Variants in AEBP2 observed in about 807,000 individuals in gnomAD.
The protein encoded by AEBP2 is AE binding protein 2, also known as zinc finger protein AEBP2.
A neutral mutation model predicts 50.8 loss-of-function variants in AEBP2; 10 were observed. That is an observed-to-expected ratio of 0.20 (90% CI 0.12 to 0.33). The LOEUF (loss-of-function observed/expected upper bound fraction) is 0.33, where lower values mean the gene tolerates loss of function less well. Ranked by LOEUF, AEBP2 falls within the 10% of genes least tolerant of loss-of-function variation. AEBP2 has a pLI of 1.00. For missense variants in AEBP2, 570 were observed against 688.0 expected (o/e 0.83, Z 1.92); for synonymous variants, 296 against 261.3 (o/e 1.13, Z -1.28).
chr12:19,458,047 T>C (rs374616468), intron 1 of AEBP2, among the ~76,000 whole-genome samples: 1 of 152,128 alleles, frequency 6.6e-6, no homozygotes, highest in Non-Finnish European at 1.5e-5. Flanking sequence ...TGTGAAAAAA[T>C]TTAACATATG....
At chr12:19,440,518 C>T (rs1947934861) in intron 1 of AEBP2, 148 bp downstream of exon 1, 1 of 1,387,942 alleles carries the variant, frequency 7.2e-7, no homozygotes, top group African/African-American at 1.5e-5. Context: ...AAATCTCTCG[C>T]CGTCGCCGCC....
intron 7 of AEBP2, among the ~76,000 whole-genome samples, chr12:19,515,078 T>G (rs1949299574): frequency 6.6e-6 from 1 of 152,238 alleles, no homozygotes; most frequent in Non-Finnish European, 1.5e-5. Context: ...TTTAACAAGG[T>G]AATTCTTTTT....
Position 19,449,866 on chromosome 12 carries a change from C to T in AEBP2, c.671+9496C>T, listed in dbSNP as rs149202500. ...CGCTAAAAATGATGAGCATTTACTA[C>T]GTGCAAGGCTCTAACTAGGTTTGGG... On this transcript the variant is annotated intron_variant, in intron 1 of 7. Coordinates refer to ENST00000266508, the MANE Select transcript of AEBP2 (RefSeq NM_153207.5). Among the ~76,000 whole-genome samples, 163 of 152,206 alleles carry T rather than the reference C, an allele frequency of 1.1e-3. 1 individual carries two copies. Among genetic ancestry groups the T allele is most frequent in the African/African-American group, 3.8e-3 (156 of 41,506 alleles).
rs559815793 is a variant in AEBP2 at position 19,439,864 on chromosome 12, G to C, written c.165G>C (p.Ala55=). 1.2e-4 allele frequency: 171 copies of C among 1,483,748 alleles called. No individual in the cohort carries two copies. The East Asian group carries it at 4.6e-3, about 40-fold the overall frequency. The allele number at this position is 1,483,748 out of a possible 1,614,324, so 91.9% of individuals were successfully genotyped here. ...AGGAGGCGGAGGCCGAGGCGGTGGC[G>C]GCGCTGCTGCTGAACGGCGGCAGCG... ...EEEEAEAEAV[A]ALLLNGGSGG... Residue 55 remains alanine, a synonymous_variant, in exon 1 of 8, where the codon GCG becomes GCC. Coordinates refer to ENST00000266508, the MANE Select transcript of AEBP2 (RefSeq NM_153207.5).
At chr12:19,443,498 C>T (rs1042174700) in intron 1 of AEBP2, among the ~76,000 whole-genome samples, 7 of 151,086 alleles carry the variant, frequency 4.6e-5, no homozygotes, top group African/African-American at 1.7e-4. Flanking sequence ...TCGGGTGGAT[C>T]ATTTGAGGTC....
intron 2 of AEBP2, among the ~76,000 whole-genome samples, chr12:19,469,776 A>G (rs547567484): frequency 3.3e-4 from 50 of 152,316 alleles, no homozygotes; most frequent in African/African-American, 1.2e-3. Context: ...TATGTCTGAT[A>G]CAACCTAATA....
chr12:19,428,893 C>T (rs996511344), intron 1 of AEBP2, among the ~76,000 whole-genome samples: 2 of 152,062 alleles, frequency 1.3e-5, no homozygotes, highest in African/African-American at 4.8e-5. Flanking sequence ...AATTCCAGCA[C>T]GTTGGGAGGC....
intron 3 of AEBP2, among the ~76,000 whole-genome samples, chr12:19,479,655 A>T (rs1948696701): frequency 7.9e-6 from 1 of 127,308 alleles, no homozygotes; most frequent in South Asian, 2.7e-4. Flanking sequence ...ATATATATTT[A>T]GGATTGTTAT....
Position 19,439,951 on chromosome 12 carries a change from G to A in AEBP2, c.252G>A (p.Glu84=), listed in dbSNP as rs1290186765. 3.3e-6 allele frequency: 5 copies of A among 1,518,078 alleles called. No individual in the cohort carries two copies. In the Admixed American group the frequency reaches 8.0e-5, roughly 24 times the overall value. 94.0% of individuals were successfully genotyped at this position (1,518,078 alleles called of 1,614,324 possible). A position where few individuals can be genotyped will look rare whatever the true frequency, so the allele number is the denominator to read the frequency against. ...GCGGCGAGGCAGAGACGATGTCGGA[G>A]CCGAGCCCCGAGAGCGCCAGCCAGG... ...VGGGEAETMS[E]PSPESASQAG... Residue 84 remains glutamate (E), a synonymous_variant, in exon 1 of 8, where the codon GAG becomes GAA. Transcript: ENST00000266508.
chr12:19,419,545 C>T (rs555509155), intron 1 of AEBP2, among the ~76,000 whole-genome samples: 448 of 151,272 alleles, frequency 3.0e-3, no homozygotes, highest in Non-Finnish European at 5.1e-3. Flanking sequence ...GCTGAGATCG[C>T]GCCACTGCAC....
chr12:19,434,497 C>T (rs919529732), upstream of AEBP2, among the ~76,000 whole-genome samples: 1 of 151,282 alleles, frequency 6.6e-6, no homozygotes, highest in African/African-American at 2.5e-5. Flanking sequence ...TTTATGCAGA[C>T]ATAAAACTGC....
At chr12:19,459,348 T>C (rs1010442120) in intron 1 of AEBP2, among the ~76,000 whole-genome samples, 11 of 151,946 alleles carry the variant, frequency 7.2e-5, no homozygotes, top group Admixed American at 2.0e-4. Context: ...TCTCCTGCCT[T>C]AGCCTCCTGA....
chr12:19,503,030 T>C (rs1949106005), intron 5 of AEBP2, among the ~76,000 whole-genome samples: 1 of 152,194 alleles, frequency 6.6e-6, no homozygotes, highest in African/African-American at 2.4e-5. Flanking sequence ...TAAGGTGGTG[T>C]CTCTGGCTTT....
intron 1 of AEBP2, among the ~76,000 whole-genome samples, chr12:19,451,016 T>G (rs1948158864): frequency 6.6e-6 from 1 of 152,164 alleles, no homozygotes; most frequent in South Asian, 2.1e-4. Context: ...TGTTTTGCAC[T>G]TGTTTGACTA....
At chr12:19,506,100 A>G (rs1007199612) in intron 5 of AEBP2, among the ~76,000 whole-genome samples, 2 of 149,150 alleles carry the variant, frequency 1.3e-5, no homozygotes, top group Non-Finnish European at 3.0e-5. Context: ...AAAATAATAT[A>G]TATAATATCT....
At chr12:19,404,347 G>C (rs79540405) in intron 1 of AEBP2, 13,858 of 152,308 alleles carry the variant, frequency 0.091, 812 homozygotes, top group East Asian at 0.16. Flanking sequence ...TAGGGTTAAG[G>C]CCTTCCCCTG....
intron 1 of AEBP2, among the ~76,000 whole-genome samples, chr12:19,404,390 T>C (rs934515824): frequency 3.9e-5 from 6 of 152,170 alleles, no homozygotes; most frequent in Non-Finnish European, 8.8e-5. Context: ...TTAGGGCGTG[T>C]GTGGCATGGC....
chr12:19,491,086 G>A (rs942536356), intron 3 of AEBP2, among the ~76,000 whole-genome samples: 1 of 152,270 alleles, frequency 6.6e-6, no homozygotes, highest in Non-Finnish European at 1.5e-5. Flanking sequence ...CTAGTGGTTC[G>A]TAGGTTTGCA....
chr12:19,443,510 A>G (rs1169274628), intron 1 of AEBP2, among the ~76,000 whole-genome samples: 1 of 150,862 alleles, frequency 6.6e-6, no homozygotes, highest in Non-Finnish European at 1.5e-5. Flanking sequence ...TTTGAGGTCA[A>G]GGAATTCCAA....
Sources: allele counts gnomAD v4.1 joint callset (sites outside exome capture counted in the v4.1 genomes callset), GRCh38; gene constraint gnomAD v4.1.1; transcripts MANE v1.5; gene names NCBI Gene and HGNC (gene_info 2026-07-23, HGNC 2026-07-21).